DCC: variants seen among roughly 807,000 people sequenced by gnomAD.
The protein encoded by DCC is DCC netrin 1 receptor, also known as netrin receptor DCC.
In DCC, 58 loss-of-function variants were observed where a neutral mutation model predicts 172.5. That is an observed-to-expected ratio of 0.34 (90% CI 0.27 to 0.42). DCC has a LOEUF of 0.42. DCC is among the 10% of genes least tolerant of loss of function. The pLI is 1.00. For missense variants in DCC, 1,740 were observed against 1,791.0 expected, an observed-to-expected ratio of 0.97 and a Z score of 0.51; for synonymous variants, 709 against 644.5, an observed-to-expected ratio of 1.10 and a Z score of -1.52.
intron 1 of DCC, among the ~76,000 whole-genome samples, chr18:52,454,718 C>G (rs1988407947): frequency 6.6e-6 from 1 of 152,150 alleles, no homozygotes; most frequent in Admixed American, 6.5e-5. Context: ...GCATGCCTTT[C>G]AATGGAAGCA....
At chr18:52,394,291 G>C (rs996823442) in intron 1 of DCC, among the ~76,000 whole-genome samples, 1 of 151,940 alleles carries the variant, frequency 6.6e-6, no homozygotes, top group African/African-American at 2.4e-5. Context: ...TATTGAGACA[G>C]GGTCTCACTC....
chr18:53,421,739 A>G (rs1305365547), intron 21 of DCC, among the ~76,000 whole-genome samples: 1 of 152,218 alleles, frequency 6.6e-6, no homozygotes, highest in Non-Finnish European at 1.5e-5. Context: ...CACCTGTAAA[A>G]TGATAAGTTC....
At chr18:53,324,442 A>C (rs1040870225) in intron 14 of DCC, among the ~76,000 whole-genome samples, 1 of 149,262 alleles carries the variant, frequency 6.7e-6, no homozygotes, top group Non-Finnish European at 1.5e-5. Context: ...ATGGAGGTAG[A>C]TAGTGATAGG....
chr18:52,592,660 T>G (rs2033824389), intron 1 of DCC, among the ~76,000 whole-genome samples: 1 of 152,134 alleles, frequency 6.6e-6, no homozygotes, highest in Admixed American at 6.5e-5. Context: ...AAAGAGGGCT[T>G]TCTTGCTCTG....
intron 7 of DCC, among the ~76,000 whole-genome samples, chr18:53,120,584 A>T (rs1753461395): frequency 6.6e-6 from 1 of 151,876 alleles, no homozygotes; most frequent in Non-Finnish European, 1.5e-5. Flanking sequence ...TCAGAGGAAA[A>T]ATTGCTCTGC....
intron 19 of DCC, among the ~76,000 whole-genome samples, chr18:53,404,367 T>C (rs1305829398): frequency 1.7e-5 from 2 of 119,304 alleles, no homozygotes; most frequent in African/African-American, 5.4e-5. Flanking sequence ...AATAAGTTTT[T>C]AACTCTGGAA....
In DCC at chr18:52,374,504, C is replaced by CTATA. The variant is rs111531316; in HGVS notation, c.91+33640_91+33643dup. ...AACTGAATATATACAGCTATAAATG[C>CTATA]TATATATATATATATATTCATGCAT... On this transcript the variant is annotated intron_variant, in intron 1 of 28. Coordinates refer to ENST00000442544, the MANE Select transcript of DCC (RefSeq NM_005215.4). 2.8e-3 allele frequency among the ~76,000 whole-genome samples: 416 copies of CTATA among 147,512 alleles called. 2 individuals are homozygous for CTATA. The highest frequency in any genetic ancestry group is 9.5e-3 in the African/African-American group (381 of 40,254).
At position 53,533,905 on chromosome 18, in the gene DCC, C is replaced by G. The variant is rs911043565; in HGVS notation, c.*3252C>G. On this transcript the variant is annotated 3_prime_UTR_variant, in exon 29 of 29. Transcript: ENST00000442544. The stretch of plus-strand genomic sequence containing the variant: ...ATCTCCTGCTTTGGTTCCAGCTACA[C>G]AAGGAGAGCCATCCTGTGCTAGTGT... 1 of 152,158 alleles carries G rather than the reference C, an allele frequency of 6.6e-6. No homozygotes were observed. The highest frequency in any genetic ancestry group is 2.4e-5 in the African/African-American group (1 of 41,424). 9.4% of individuals were successfully genotyped at this position (152,158 alleles called of 1,614,324 possible).
intron 5 of DCC, among the ~76,000 whole-genome samples, chr18:52,950,760 T>C (rs1227921116): frequency 1.3e-5 from 2 of 150,526 alleles, no homozygotes; most frequent in Non-Finnish European, 3.0e-5. Context: ...CCGTCTCTAC[T>C]AAAAATAGAA....
intron 21 of DCC, among the ~76,000 whole-genome samples, chr18:53,427,769 G>T (rs1481161115): frequency 7.0e-6 from 1 of 142,596 alleles, no homozygotes; most frequent in Non-Finnish European, 1.5e-5. Context: ...AGAAATAGTA[G>T]AATTCAGAGG....
At position 52,500,385 on chromosome 18, in the gene DCC, C is replaced by A. The variant is rs118185764; in HGVS notation, c.91+159507C>A. Among the ~76,000 whole-genome samples, 74 of 152,234 alleles carry A rather than the reference C, an allele frequency of 4.9e-4. No individual in the cohort carries two copies. In the East Asian group the frequency reaches 0.014, roughly 29 times the overall value. On this transcript the variant is annotated intron_variant, in intron 1 of 28. Transcript: ENST00000442544. Reference sequence around the variant, plus strand: ...AAGAGTGATCTCTTAGGGAGGAATTCACCTCTTGATATTTCATTGACTCTG... The same window carrying A: ...AAGAGTGATCTCTTAGGGAGGAATTAACCTCTTGATATTTCATTGACTCTG...
chr18:52,826,330 C>T (rs1167553152), intron 2 of DCC, among the ~76,000 whole-genome samples: 2 of 152,244 alleles, frequency 1.3e-5, no homozygotes, highest in African/African-American at 2.4e-5. Flanking sequence ...TGTGCCTACA[C>T]GGAGGAAAAT....
chr18:53,185,452 A>C (rs1175994450), intron 9 of DCC, among the ~76,000 whole-genome samples: 1 of 152,238 alleles, frequency 6.6e-6, no homozygotes, highest in African/African-American at 2.4e-5. Context: ...GGTCTATTTA[A>C]ATTTAAAAGT....
chr18:52,745,839 T>A (rs1458444886), intron 1 of DCC, among the ~76,000 whole-genome samples: 1 of 152,198 alleles, frequency 6.6e-6, no homozygotes, highest in Admixed American at 6.5e-5. Flanking sequence ...TACTTAACAT[T>A]GTGCGTTTTC....
At chr18:52,614,523 C>A (rs564233474) in intron 1 of DCC, among the ~76,000 whole-genome samples, 1 of 152,126 alleles carries the variant, frequency 6.6e-6, no homozygotes, top group African/African-American at 2.4e-5. Context: ...ACAGTGTTGA[C>A]GGCTACACCA....
intron 5 of DCC, among the ~76,000 whole-genome samples, chr18:53,022,653 C>G (rs1461937121): frequency 6.6e-6 from 1 of 151,402 alleles, no homozygotes; most frequent in East Asian, 1.9e-4. Flanking sequence ...GTGAAGAGAT[C>G]ATAATGTGTC....
At chr18:53,163,620 G>A (rs1048253564) in intron 8 of DCC, among the ~76,000 whole-genome samples, 1 of 152,182 alleles carries the variant, frequency 6.6e-6, no homozygotes, top group Non-Finnish European at 1.5e-5. Flanking sequence ...GATAATGCAA[G>A]TGCCATAATT....
intron 1 of DCC, among the ~76,000 whole-genome samples, chr18:52,680,293 T>C (rs2035724501): frequency 6.6e-6 from 1 of 152,062 alleles, no homozygotes; most frequent in African/African-American, 2.4e-5. Flanking sequence ...CCTGGGGGAA[T>C]CAAGAGGCTT....
intron 1 of DCC, among the ~76,000 whole-genome samples, chr18:52,726,157 G>A (rs139943551): frequency 6.6e-6 from 1 of 152,334 alleles, no homozygotes; most frequent in Non-Finnish European, 1.5e-5. Flanking sequence ...AGCCCTAGCA[G>A]ATGACTAGTG....
Sources: allele counts gnomAD v4.1 joint callset (sites outside exome capture counted in the v4.1 genomes callset), GRCh38; gene constraint gnomAD v4.1.1; transcripts MANE v1.5; gene names NCBI Gene and HGNC (gene_info 2026-07-23, HGNC 2026-07-21).